Variants in RTEL1 observed in about 807,000 individuals in gnomAD.
RTEL1 encodes the protein regulator of telomere elongation helicase 1.
A neutral mutation model predicts 162.2 loss-of-function variants in RTEL1; 86 were observed. That is an observed-to-expected ratio of 0.53 (90% CI 0.45 to 0.63). The LOEUF (loss-of-function observed/expected upper bound fraction) is 0.63. RTEL1 is among the 30% of genes least tolerant of loss of function. RTEL1 has a pLI of 0.00. For synonymous variants in RTEL1, 958 were observed against 717.9 expected, an observed-to-expected ratio of 1.33 and a Z score of -5.35; for missense variants, 1,941 against 1,750.2, an observed-to-expected ratio of 1.11 and a Z score of -1.95.
At chr20:63,690,484 A>C in intron 26 of RTEL1, 43 bp downstream of exon 26, 16 of 711,488 alleles carry the variant, frequency 2.2e-5, no homozygotes, top group Non-Finnish European at 3.1e-5. Context: ...GGGGTGGCGG[A>C]GCGGGCGGCG....
rs140629792 is a variant in RTEL1, at chr20:63,688,169, G to A, written c.1626G>A (p.Gly542=). Residue 542 remains glycine, a synonymous_variant, in exon 19 of 35, where the codon GGG becomes GGA. Transcript: ENST00000360203. ...CCGAGGAGTGCTTATCCTCCCTGGG[G>A]AAGGCTCTGGGTGAGTGCCCTGAAT... ...RFSEECLSSL[G]KALGNIARVV... 9.9e-5 allele frequency: 159 copies of A among 1,612,030 alleles called. No homozygotes were observed. Among genetic ancestry groups the A allele is most frequent in the Middle Eastern group, 9.9e-4 (6 of 6,084 alleles).
intron 22 of RTEL1, 96 bp from the exon 23 acceptor site, chr20:63,689,406 T>G (rs2090672022): frequency 5.1e-6 from 7 of 1,378,604 alleles, no homozygotes; most frequent in Middle Eastern, 2.5e-4. Context: ...CACCCCTGGT[T>G]GGGGACGGAG....
rs2090817629 is a variant in RTEL1 at position 63,693,382 on chromosome 20, TG to T, written c.2992+101del. 3.5e-6 allele frequency: 5 copies of T among 1,433,588 alleles called. 1 individual carries two copies. In the Admixed American group the frequency reaches 9.1e-5, roughly 26 times the overall value. The allele number at this position is 1,433,588 out of a possible 1,614,324, so 88.8% of individuals were successfully genotyped here. On this transcript the variant is annotated intron_variant, in intron 30 of 34. Transcript: ENST00000360203. ...GGGGTGGGCATCCTCGGGCCCTGCT[TG>T]GCCCCGCCTCTCTGTTCCCCTATGG...
chr20:63,693,561 TCCACCACC>T (rs2090861580), intron 30 of RTEL1, among the ~76,000 whole-genome samples: 1 of 4,874 alleles, frequency 2.1e-4, no homozygotes, highest in African/African-American at 1.1e-3. Flanking sequence ...CACCTCCACC[TCCACCACC>T]TCCACCTCCA....
chr20:63,671,437 A>C (rs1278270132), intron 8 of RTEL1, among the ~76,000 whole-genome samples: 1 of 152,056 alleles, frequency 6.6e-6, no homozygotes, highest in Non-Finnish European at 1.5e-5. Context: ...TATATGGTGC[A>C]CATAACTGCC....
chr20:63,659,204 TACAA>T (rs764460604), intron 1 of RTEL1, 25 bp from the exon 2 acceptor site: 49 of 598,466 alleles, frequency 8.2e-5, no homozygotes, highest in Non-Finnish European at 1.1e-4. Flanking sequence ...AAAGGCTGTC[TACAA>T]ACAGAGTCTT....
intron 9 of RTEL1, among the ~76,000 whole-genome samples, chr20:63,673,090 C>G (rs1200870965): frequency 6.7e-6 from 1 of 149,538 alleles, no homozygotes; most frequent in Non-Finnish European, 1.5e-5. Context: ...AAGCGGGATT[C>G]TGTGTCAAAA....
At chr20:63,676,053 A>G (rs934188046) in intron 10 of RTEL1, among the ~76,000 whole-genome samples, 3 of 151,868 alleles carry the variant, frequency 2.0e-5, no homozygotes, top group African/African-American at 7.3e-5. Context: ...CCAGAACTTC[A>G]GTTTTCATCC....
At chr20:63,669,363 G>A (rs116643750) in intron 8 of RTEL1, among the ~76,000 whole-genome samples, 1 of 152,274 alleles carries the variant, frequency 6.6e-6, no homozygotes, top group South Asian at 2.1e-4. Flanking sequence ...CAACTTTGGG[G>A]TAGGCAGAGA....
intron 12 of RTEL1, 149 bp downstream of exon 12, chr20:63,678,495 G>T (rs2090403167): frequency 1.4e-6 from 1 of 705,750 alleles, no homozygotes. Flanking sequence ...CACCTGCTTT[G>T]CATGATCTGG....
At position 63,690,382 on chromosome 20, in the gene RTEL1, C is replaced by T; in HGVS notation, c.2354C>T (p.Ser785Phe). The stretch of plus-strand genomic sequence containing the variant: ...GCCAAGTCGCCTGGCCCCTTCTTCT[C>T]CACCAGGAAAGCTAAGAGTCTGGAC... ...SEAKSPGPFF[S>F]TRKAKSLDLH... The change falls in exon 26 of 35, where the codon TCC (serine) becomes TTC (phenylalanine). Residue 785 changes from serine to phenylalanine, a missense_variant. By Grantham distance (155) the Ser-to-Phe change is radical (BLOSUM62 -2). Transcript: ENST00000360203. The T allele has an allele frequency of 6.2e-7, 1 of 1,611,628 alleles. No individual in the cohort carries two copies.
chr20:63,662,046 GT>G (rs1308274091), intron 4 of RTEL1, 103 bp downstream of exon 4: 16 of 954,230 alleles, frequency 1.7e-5, no homozygotes, highest in Non-Finnish European at 2.2e-5. Flanking sequence ...GAGGGTGGTG[GT>G]CTTTCTAGAC....
At position 63,666,502 on chromosome 20, in the gene RTEL1, A is replaced by G. The variant is rs556852180; in HGVS notation, c.614+423A>G. Among the ~76,000 whole-genome samples the G allele has an allele frequency of 2.0e-5, 3 of 152,338 alleles. No individual in the cohort carries two copies. The East Asian group carries it at 5.8e-4, about 29-fold the overall frequency. ...TCTTACAGCTTCAGAGATTCAAGTTATAATAAAGCTCTTCTTATATTGAGG... is the reference window on the plus strand; with the variant it reads ...TCTTACAGCTTCAGAGATTCAAGTTGTAATAAAGCTCTTCTTATATTGAGG... On this transcript the variant is annotated intron_variant, in intron 7 of 34. Coordinates refer to ENST00000360203, the MANE Select transcript of RTEL1 (RefSeq NM_001283009.2).
At chr20:63,695,029 TG>T in intron 32 of RTEL1, 36 bp from the exon 33 acceptor site, 1 of 1,609,464 alleles carries the variant, frequency 6.2e-7, no homozygotes, top group Non-Finnish European at 8.5e-7. Context: ...GGGGACAAAA[TG>T]GGGGCTGTGC....
At chr20:63,690,490 C>T (rs370189248) in intron 26 of RTEL1, 49 bp downstream of exon 26, 21 of 534,874 alleles carry the variant, frequency 3.9e-5, no homozygotes, top group East Asian at 1.9e-4. Flanking sequence ...GCGGAGCGGG[C>T]GGCGTGGGGC....
chr20:63,659,865 A>G (rs990736063), intron 2 of RTEL1, among the ~76,000 whole-genome samples: 2 of 152,240 alleles, frequency 1.3e-5, no homozygotes, highest in African/African-American at 2.4e-5. Context: ...CTCAGTATTC[A>G]TTAATTACTA....
intron 2 of RTEL1, among the ~76,000 whole-genome samples, 184 bp downstream of exon 2, chr20:63,659,688 T>C (rs1340905180): frequency 6.6e-6 from 1 of 152,140 alleles, no homozygotes; most frequent in Non-Finnish European, 1.5e-5. Flanking sequence ...ACGATCGTCC[T>C]TTGAAGGGGG....
chr20:63,685,975 A>G (rs2090584414), intron 16 of RTEL1, 103 bp downstream of exon 16: 8 of 1,118,506 alleles, frequency 7.2e-6, no homozygotes, highest in South Asian at 1.3e-5. Flanking sequence ...TCCTGCCCCC[A>G]TGGGCCTGGC....
intron 34 of RTEL1, 24 bp downstream of exon 34, chr20:63,695,674 CCT>C (rs751640939): frequency 3.1e-6 from 5 of 1,610,766 alleles, no homozygotes; most frequent in Non-Finnish European, 3.4e-6. Flanking sequence ...CACTACAGTT[CCT>C]GCTGGGTGTA....
Sources: allele counts gnomAD v4.1 joint callset (sites outside exome capture counted in the v4.1 genomes callset), GRCh38; gene constraint gnomAD v4.1.1; transcripts MANE v1.5; gene names NCBI Gene and HGNC (gene_info 2026-07-23, HGNC 2026-07-21).